The following FAS variants were observed in gnomAD, a reference collection of about 807,000 sequenced individuals.
The protein encoded by FAS is Fas cell surface death receptor.
FAS carries 5 observed loss-of-function variants against 33.2 expected under a neutral mutation model. That is an observed-to-expected ratio of 0.15 (90% CI 0.08 to 0.32). The LOEUF is 0.32. FAS is among the 10% of genes least tolerant of loss of function. The probability of loss-of-function intolerance (pLI) is 1.00; values close to 1 mark genes in which losing one functional copy is unlikely to be tolerated. For missense variants in FAS, 339 were observed against 386.0 expected, an observed-to-expected ratio of 0.88 and a Z score of 1.02; for synonymous variants, 131 against 130.7, an observed-to-expected ratio of 1.00 and a Z score of -0.01.
At chr10:88,968,923 G>A (rs1036711678) in intron 1 of FAS, among the ~76,000 whole-genome samples, 2 of 152,076 alleles carry the variant, frequency 1.3e-5, no homozygotes, top group African/African-American at 4.8e-5. Flanking sequence ...TCAGAACTTT[G>A]TGTAGGTTTG....
intron 2 of FAS, among the ~76,000 whole-genome samples, chr10:89,005,292 C>A (rs2133485061): frequency 6.6e-6 from 1 of 151,818 alleles, no homozygotes; most frequent in Admixed American, 6.6e-5. Context: ...TAAGAAAGAA[C>A]CTGGGATTAT....
At chr10:88,965,373 C>T (rs142602729) in intron 1 of FAS, among the ~76,000 whole-genome samples, 9 of 152,190 alleles carry the variant, frequency 5.9e-5, no homozygotes, top group African/African-American at 1.2e-4. Context: ...CCATCTCAGA[C>T]GTTGTTAGTT....
chr10:89,009,485 G>A (rs1848418028), intron 4 of FAS, among the ~76,000 whole-genome samples: 1 of 152,226 alleles, frequency 6.6e-6, no homozygotes, highest in Admixed American at 6.5e-5. Flanking sequence ...CAGCTGCAAA[G>A]AGACAAAGGA....
At chr10:88,980,060 T>C (rs1846672989) in intron 2 of FAS, among the ~76,000 whole-genome samples, 1 of 152,254 alleles carries the variant, frequency 6.6e-6, no homozygotes, top group Non-Finnish European at 1.5e-5. Flanking sequence ...AGTGGACTTC[T>C]TTCCACTTGA....
At chr10:88,984,845 C>A (rs1388323421), upstream of FAS, among the ~76,000 whole-genome samples, 3 of 152,168 alleles carry the variant, frequency 2.0e-5, no homozygotes, top group African/African-American at 7.2e-5. Context: ...GAGGGGAGAG[C>A]CTGATCTGAT....
chr10:88,989,146 T>C (rs1719213952), upstream of FAS, among the ~76,000 whole-genome samples: 1 of 152,212 alleles, frequency 6.6e-6, no homozygotes, highest in Non-Finnish European at 1.5e-5. Context: ...TAATAATCAC[T>C]CATCTCACTG....
At chr10:88,994,264 C>T (rs921563499) in intron 1 of FAS, among the ~76,000 whole-genome samples, 3 of 152,172 alleles carry the variant, frequency 2.0e-5, no homozygotes, top group Non-Finnish European at 4.4e-5. Flanking sequence ...ATAACTGTTT[C>T]TTAAGAGATG....
intron 4 of FAS, among the ~76,000 whole-genome samples, chr10:89,009,320 G>C (rs1261767685): frequency 6.6e-6 from 1 of 152,220 alleles, no homozygotes; most frequent in African/African-American, 2.4e-5. Flanking sequence ...TTATGTTCCA[G>C]GTGTTACAAA....
upstream of FAS, among the ~76,000 whole-genome samples, chr10:88,990,231 C>T (rs1847080544): frequency 6.6e-6 from 1 of 152,198 alleles, no homozygotes; most frequent in African/African-American, 2.4e-5. The surrounding 1 kb of genome is among the most constrained non-coding windows in gnomAD (Gnocchi z 4.9). Context: ...TCTCATGTTG[C>T]AGCCACAACA....
intron 2 of FAS, among the ~76,000 whole-genome samples, chr10:88,976,384 G>A (rs1846564942): frequency 6.6e-6 from 1 of 152,316 alleles, no homozygotes; most frequent in Admixed American, 6.5e-5. Context: ...GAGTAAACAA[G>A]GGGAAACTAT....
At chr10:89,013,951 G>A (rs1848657066) in intron 8 of FAS, 168 bp from the exon 9 acceptor site, 2 of 678,928 alleles carry the variant, frequency 2.9e-6, no homozygotes, top group Non-Finnish European at 4.9e-6. Context: ...AGGATTTGGA[G>A]TTAGAACTCA....
intron 6 of FAS, 53 bp downstream of exon 6, chr10:89,010,868 C>T: frequency 1.3e-6 from 2 of 1,598,812 alleles, no homozygotes; most frequent in Admixed American, 1.7e-5. Context: ...GGAAGTAGTT[C>T]ACAAAGATTT....
chr10:89,002,891 A>C lies in FAS; in HGVS notation c.31-138A>C, dbSNP rs1040047681. 3 of 889,952 alleles carry C rather than the reference A, an allele frequency of 3.4e-6. No individual in the cohort carries two copies. The East Asian group carries it at 7.9e-5, about 24-fold the overall frequency. The allele number at this position is 889,952 out of a possible 1,614,324, so 55.1% of individuals were successfully genotyped here. A position where few individuals can be genotyped will look rare whatever the true frequency, so the allele number is the denominator to read the frequency against. ...ACCTGCTGCTTTCTTGGAGAGAGAAATCTGAAAGACAGTGGAGCCCTCACA... is the reference window on the plus strand; with the variant it reads ...ACCTGCTGCTTTCTTGGAGAGAGAACTCTGAAAGACAGTGGAGCCCTCACA... On this transcript the variant is annotated intron_variant, in intron 1 of 8. Transcript: ENST00000652046.
chr10:89,007,818 A>C lies in FAS; in HGVS notation c.315A>C (p.Arg105Ser). 6.2e-7 allele frequency: 1 copy of C among 1,613,950 alleles called. No homozygotes were observed. The highest frequency in any genetic ancestry group is 8.5e-7 in the Non-Finnish European group (1 of 1,179,886). Residue 105 changes from arginine to serine, a missense_variant, in exon 3 of 9, where the codon AGA becomes AGC. Transcript: ENST00000652046. ...AHFSSKCRRC[R>S]LCDEGHGLEV... ...TTTCTTCCAAATGCAGAAGATGTAGATTGTGTGATGAAGGACATGGTAAGA... is the reference window on the plus strand; with the variant it reads ...TTTCTTCCAAATGCAGAAGATGTAGCTTGTGTGATGAAGGACATGGTAAGA...
At chr10:88,987,635 T>G (rs891801084), upstream of FAS, among the ~76,000 whole-genome samples, 1 of 152,212 alleles carries the variant, frequency 6.6e-6, no homozygotes, top group African/African-American at 2.4e-5. Context: ...CCAGTAAAGA[T>G]CCCAAAATCT....
intron 2 of FAS, among the ~76,000 whole-genome samples, chr10:88,976,682 G>A (rs2133336268): frequency 6.6e-6 from 1 of 152,262 alleles, no homozygotes; most frequent in African/African-American, 2.4e-5. Flanking sequence ...TATTGAGACA[G>A]ATGATTATAA....
chr10:88,999,738 C>T (rs1045266376), intron 1 of FAS, among the ~76,000 whole-genome samples: 13 of 152,064 alleles, frequency 8.5e-5, no homozygotes, highest in African/African-American at 3.1e-4. Flanking sequence ...TCAGTAACAG[C>T]GCAATGAGAT....
intron 2 of FAS, among the ~76,000 whole-genome samples, chr10:89,006,242 T>C (rs1022122673): frequency 6.6e-6 from 1 of 152,180 alleles, no homozygotes; most frequent in Admixed American, 6.5e-5. Flanking sequence ...TACTTGGACT[T>C]GGGTTCTGTT....
chr10:88,999,146 C>G (rs1378968563), intron 1 of FAS, among the ~76,000 whole-genome samples: 1 of 140,268 alleles, frequency 7.1e-6, no homozygotes, highest in Non-Finnish European at 1.6e-5. Flanking sequence ...GAGCGAGACT[C>G]CGTCTCAAAA....
Sources: gnomAD v4.1 joint callset for allele counts (sites outside exome capture counted in the v4.1 genomes callset) on GRCh38, gnomAD v4.1.1 for gene constraint, Gnocchi (gnomAD v3.1) non-coding constraint, MANE v1.5 for transcripts, NCBI Gene and HGNC (gene_info 2026-07-23, HGNC 2026-07-21) for gene names.